The following CYFIP2 variants were observed in gnomAD, a reference collection of about 807,000 sequenced individuals.
CYFIP2 encodes cytoplasmic FMR1-interacting protein 2.
CYFIP2 carries 29 observed loss-of-function variants against 158.7 expected under a neutral mutation model. That is an observed-to-expected ratio of 0.18 (90% CI 0.14 to 0.25). The LOEUF is 0.25. Ranked by LOEUF, CYFIP2 falls within the 10% of genes least tolerant of loss-of-function variation. The pLI, the probability that CYFIP2 is intolerant of heterozygous loss-of-function variation, is 1.00. For synonymous variants in CYFIP2, 585 were observed against 617.6 expected, an observed-to-expected ratio of 0.95 and a Z score of 0.78; for missense variants, 852 against 1,639.5, an observed-to-expected ratio of 0.52 and a Z score of 8.29.
intron 3 of CYFIP2, among the ~76,000 whole-genome samples, chr5:157,288,015 C>T (rs1398026195): frequency 6.6e-6 from 1 of 151,962 alleles, no homozygotes; most frequent in East Asian, 1.9e-4. Context: ...ATTGCTTGAG[C>T]CCAGGAGGTT....
Position 157,395,221 on chromosome 5 carries a change from C to T in CYFIP2, c.*2221C>T, listed in dbSNP as rs538318156. The T allele has an allele frequency of 1.4e-4, 31 of 223,608 alleles. 2 individuals carry two copies. The South Asian group carries it at 1.6e-3, about 12-fold the overall frequency. 13.9% of individuals were successfully genotyped at this position (223,608 alleles called of 1,614,324 possible). On this transcript the variant is annotated 3_prime_UTR_variant, in exon 31 of 31. Coordinates refer to ENST00000620254, the MANE Select transcript of CYFIP2 (RefSeq NM_001037333.3). ...CTGGCTTGCCAGTGGCACTGATTTC[C>T]GAACACCCAATGAGTTTAATATTCT...
At chr5:157,341,935 T>C (rs540703230) in intron 23 of CYFIP2, 1 of 152,290 alleles carries the variant, frequency 6.6e-6, no homozygotes, top group East Asian at 1.9e-4. Flanking sequence ...TTCACAGACA[T>C]GGCATTTAAC....
At chr5:157,355,097 C>A (rs1284382265) in intron 23 of CYFIP2, among the ~76,000 whole-genome samples, 1 of 152,072 alleles carries the variant, frequency 6.6e-6, no homozygotes, top group Non-Finnish European at 1.5e-5. Context: ...GGAACTCCAC[C>A]CAGTACAATC....
At chr5:157,382,552 G>T (rs778773250) in intron 26 of CYFIP2, 38 bp from the exon 27 acceptor site, 119 of 1,609,938 alleles carry the variant, frequency 7.4e-5, no homozygotes, top group Non-Finnish European at 5.1e-6. Context: ...GGTTTAAAAT[G>T]AAAATTGTTT....
intron 26 of CYFIP2, among the ~76,000 whole-genome samples, chr5:157,374,604 T>C (rs943554341): frequency 6.6e-6 from 1 of 152,146 alleles, no homozygotes; most frequent in Non-Finnish European, 1.5e-5. Flanking sequence ...TTGTCTTGCT[T>C]TGGTATCTGG....
intron 15 of CYFIP2, among the ~76,000 whole-genome samples, chr5:157,323,695 C>T (rs1760788718): frequency 6.6e-6 from 1 of 152,204 alleles, no homozygotes; most frequent in Admixed American, 6.5e-5. Context: ...CCTGGTGTGG[C>T]CAGGTCCACT....
chr5:157,313,700 G>C (rs1427957945), intron 11 of CYFIP2, among the ~76,000 whole-genome samples: 1 of 152,140 alleles, frequency 6.6e-6, no homozygotes, highest in Non-Finnish European at 1.5e-5. Context: ...ATGAGGACTG[G>C]CTGTATATGT....
At chr5:157,283,658 A>T (rs1301307747) in intron 1 of CYFIP2, among the ~76,000 whole-genome samples, 2 of 152,156 alleles carry the variant, frequency 1.3e-5, no homozygotes, top group African/African-American at 4.8e-5. Flanking sequence ...ATGGTACGTG[A>T]TGGGAAGGTG....
chr5:157,300,747 G>A lies in CYFIP2; in HGVS notation c.420G>A (p.Val140=). 6.2e-7 allele frequency: 1 copy of A among 1,610,656 alleles called. No homozygotes were observed. Among genetic ancestry groups the A allele is most frequent in the Non-Finnish European group, 8.5e-7 (1 of 1,177,902 alleles). Residue 140 remains valine, a synonymous_variant, in exon 6 of 31, where the codon GTG becomes GTA. Coordinates refer to ENST00000620254, the MANE Select transcript of CYFIP2 (RefSeq NM_001037333.3). ...RKAIERFCSE[V]KRLCHAERRK... ...CCATCGAGCGGTTCTGCAGCGAGGT[G>A]AAGCGGCTGTGCCATGCCGAGCGCA...
At chr5:157,276,549 G>A (rs1234497546) in intron 1 of CYFIP2, among the ~76,000 whole-genome samples, 1 of 151,822 alleles carries the variant, frequency 6.6e-6, no homozygotes, top group African/African-American at 2.4e-5. Context: ...AACTTTTATC[G>A]AGCACTTTCT....
At position 157,285,477 on chromosome 5, in the gene CYFIP2, A is replaced by G; in HGVS notation, c.116A>G (p.Gln39Arg). 5.8e-6 allele frequency: 9 copies of G among 1,563,740 alleles called. No individual in the cohort carries two copies. Among genetic ancestry groups the G allele is most frequent in the Non-Finnish European group, 7.8e-6 (9 of 1,153,698 alleles). The change falls in exon 2 of 31, where the codon CAG (glutamine) becomes CGG (arginine). Residue 39 changes from glutamine to arginine, a missense_variant and splice_region_variant. By Grantham distance (43) the Gln-to-Arg change is conservative. Around this residue, in one of 8 missense-constraint regions of CYFIP2, gnomAD observed 123 missense variants for 316.7 expected, o/e 0.39. Transcript: ENST00000620254. Reference sequence around the variant, plus strand: ...CCTCCACCTTCCTCCATCATGTACCAGGTAATGGAAATGGTAGATAGCACC... The same window carrying G: ...CCTCCACCTTCCTCCATCATGTACCGGGTAATGGAAATGGTAGATAGCACC... ...IEPPPSSIMY[Q>R]ANFDTNFEDR...
chr5:157,338,122 A>G, intron 21 of CYFIP2, among the ~76,000 whole-genome samples: 1 of 152,246 alleles, frequency 6.6e-6, no homozygotes, highest in East Asian at 1.9e-4. Context: ...TTGCAGGACA[A>G]TGAGAGTCCA....
intron 26 of CYFIP2, among the ~76,000 whole-genome samples, chr5:157,372,943 G>A (rs1159184949): frequency 6.6e-6 from 1 of 152,100 alleles, no homozygotes; most frequent in Non-Finnish European, 1.5e-5. Context: ...TTCTCCCTAT[G>A]CTCTGTTTAA....
chr5:157,298,509 ATT>A (rs34331931), intron 5 of CYFIP2, among the ~76,000 whole-genome samples: 19,196 of 143,404 alleles, frequency 0.13, 1,917 homozygotes, highest in African/African-American at 0.27. Context: ...CTACTTTTGT[ATT>A]TTTTTTTTTT....
chr5:157,282,566 G>T (rs1411154027), intron 1 of CYFIP2, among the ~76,000 whole-genome samples: 1 of 152,224 alleles, frequency 6.6e-6, no homozygotes, highest in Non-Finnish European at 1.5e-5. Flanking sequence ...GAATGGCCTT[G>T]TGCATATATC....
intron 1 of CYFIP2, 90 bp from the exon 2 acceptor site, chr5:157,285,249 T>C (rs935452774): frequency 2.3e-6 from 2 of 851,708 alleles, no homozygotes; most frequent in East Asian, 2.7e-5. Context: ...ACTCTCTTTA[T>C]TCTCCCAAAG....
chr5:157,298,515 T>A (rs973826450), intron 5 of CYFIP2, among the ~76,000 whole-genome samples: 2 of 151,688 alleles, frequency 1.3e-5, no homozygotes, highest in African/African-American at 4.8e-5. Context: ...TTGTATTTTT[T>A]TTTTTTTTTT....
chr5:157,343,086 G>A lies in CYFIP2; in HGVS notation c.2673+1929G>A. 1.9e-6 allele frequency: 3 copies of A among 1,614,202 alleles called. No homozygotes were observed. In the South Asian group the frequency reaches 3.3e-5, roughly 18 times the overall value. ...ACCAACCCATTGGCCTCCTCCATGT[G>A]GCCAGCCCTGTAAGACCATCGCGGC... is the stretch of plus-strand genomic sequence containing the variant. On this transcript the variant is annotated intron_variant, in intron 23 of 30. Transcript: ENST00000620254.
At chr5:157,369,872 GGACCTAGTTTTTTTTTTTTTT>G (rs1471603289) in intron 26 of CYFIP2, among the ~76,000 whole-genome samples, 3 of 119,432 alleles carry the variant, frequency 2.5e-5, no homozygotes, top group East Asian at 4.1e-4. Flanking sequence ...CCTTGAGAAT[GGACCTAGTTTTTTTTTTTTTT>G]TTTTTAAAGA....
Sources: gnomAD v4.1 joint callset for allele counts (sites outside exome capture counted in the v4.1 genomes callset) on GRCh38, gnomAD v4.1.1 for gene constraint, gnomAD v4.1.1 regional missense constraint, MANE v1.5 for transcripts, NCBI Gene and HGNC (gene_info 2026-07-23, HGNC 2026-07-21) for gene names.